Variants in KYAT3 observed in about 807,000 individuals in gnomAD.
KYAT3 encodes the protein kynurenine aminotransferase 3, also known as kynurenine--oxoglutarate transaminase 3.
Under a neutral mutation model 59.0 loss-of-function variants are expected in KYAT3, and 50 were observed. The ratio of observed to expected loss-of-function variants is 0.85; its 90% confidence interval spans 0.68 to 1.07. KYAT3 has a LOEUF of 1.07. KYAT3 is among the 50% of genes least tolerant of loss of function. KYAT3 has a pLI of 0.00. For synonymous variants in KYAT3, 148 were observed against 177.0 expected, an observed-to-expected ratio of 0.84 and a Z score of 1.30; for missense variants, 497 against 533.3, an observed-to-expected ratio of 0.93 and a Z score of 0.67.
chr1:88,939,245 A>G (rs1029115759), intron 13 of KYAT3, among the ~76,000 whole-genome samples: 1 of 152,096 alleles, frequency 6.6e-6, no homozygotes, highest in African/African-American at 2.4e-5. Flanking sequence ...CCTTAAATTT[A>G]TTTACTTTTA....
intron 2 of KYAT3, among the ~76,000 whole-genome samples, chr1:88,975,372 T>C (rs1332065458): frequency 5.3e-5 from 8 of 152,148 alleles, no homozygotes; most frequent in African/African-American, 1.9e-4. Context: ...AGGATGGTCT[T>C]GATCTCCTGA....
chr1:88,929,595 G>A, the KYAT3 span, among the ~76,000 whole-genome samples: 14 of 152,196 alleles, frequency 9.2e-5, no homozygotes, highest in Non-Finnish European at 1.9e-4. Context: ...CCTTTGGTAC[G>A]TGGTGATTTA....
chr1:88,946,166 A>G (rs932079239), intron 11 of KYAT3, among the ~76,000 whole-genome samples: 5 of 152,212 alleles, frequency 3.3e-5, no homozygotes, highest in Admixed American at 3.3e-4. Context: ...TCTTATCTAA[A>G]AAGCTAAGTT....
At chr1:88,931,509 A>AGTTAGAG (rs1241296348), downstream of KYAT3, among the ~76,000 whole-genome samples, 1 of 152,088 alleles carries the variant, frequency 6.6e-6, no homozygotes, top group Admixed American at 6.5e-5. Flanking sequence ...AGCAGGAAGC[A>AGTTAGAG]GTTAGAGTGG....
At chr1:88,927,482 T>C in the KYAT3 span, among the ~76,000 whole-genome samples, 1 of 152,070 alleles carries the variant, frequency 6.6e-6, no homozygotes, top group Non-Finnish European at 1.5e-5. Context: ...CAACTGGCAA[T>C]TATGTAAAAA....
intron 2 of KYAT3, among the ~76,000 whole-genome samples, chr1:88,975,267 G>T (rs1007184153): frequency 3.9e-5 from 6 of 152,202 alleles, no homozygotes; most frequent in African/African-American, 1.4e-4. Context: ...CCCACAGGAA[G>T]GAATAAATTC....
intron 1 of KYAT3, among the ~76,000 whole-genome samples, chr1:88,990,140 A>G (rs1382947207): frequency 6.6e-6 from 1 of 152,186 alleles, no homozygotes; most frequent in Non-Finnish European, 1.5e-5. Flanking sequence ...ATAATAAAGG[A>G]AATTACCCTC....
At chr1:88,984,203 G>GTTTTTTT in intron 2 of KYAT3, 2 of 98,322 alleles carry the variant, frequency 2.0e-5, no homozygotes, top group Non-Finnish European at 4.4e-5. Flanking sequence ...TTTTTTTGTT[G>GTTTTTTT]CTTTTTTTTT....
chr1:88,976,356 C>CAA (rs113267795), intron 2 of KYAT3, among the ~76,000 whole-genome samples: 31 of 137,464 alleles, frequency 2.3e-4, no homozygotes, highest in South Asian at 4.6e-4. Flanking sequence ...GACTCCATCT[C>CAA]AAAAAAAAAA....
intron 13 of KYAT3, among the ~76,000 whole-genome samples, chr1:88,940,041 C>T (rs1328809914): frequency 1.3e-5 from 2 of 151,970 alleles, no homozygotes; most frequent in African/African-American, 2.4e-5. Context: ...TATAGATTCA[C>T]AGTTGGTTCC....
At chr1:88,923,221 T>A in the KYAT3 span, 2 of 152,234 alleles carry the variant, frequency 1.3e-5, no homozygotes, top group African/African-American at 4.8e-5. Flanking sequence ...CACATTTTCA[T>A]TTTAGAAAGC....
At chr1:88,974,935 AG>A (rs1676714649) in intron 2 of KYAT3, among the ~76,000 whole-genome samples, 1 of 152,212 alleles carries the variant, frequency 6.6e-6, no homozygotes, top group Non-Finnish European at 1.5e-5. Flanking sequence ...GGGCCAAATA[AG>A]GGAATAAAGG....
chr1:88,961,879 C>G (rs1467466377), intron 6 of KYAT3, among the ~76,000 whole-genome samples, 180 bp downstream of exon 6: 2 of 152,168 alleles, frequency 1.3e-5, no homozygotes, highest in Non-Finnish European at 2.9e-5. Flanking sequence ...GATTTTGTGA[C>G]TCACCTTAGT....
At chr1:88,960,391 C>T (rs1676094842) in intron 8 of KYAT3, among the ~76,000 whole-genome samples, 1 of 151,914 alleles carries the variant, frequency 6.6e-6, no homozygotes, top group African/African-American at 2.4e-5. Flanking sequence ...CTAAAACAAA[C>T]AAAATCCCTC....
At chr1:88,992,522 C>G (rs967700522) in intron 1 of KYAT3, 63 bp downstream of exon 1, 3 of 152,578 alleles carry the variant, frequency 2.0e-5, no homozygotes, top group Non-Finnish European at 4.4e-5. Context: ...CCCCGTACGC[C>G]GGGACGGCCC....
At chr1:88,983,333 G>C (rs1201379634) in intron 2 of KYAT3, 2 of 1,614,142 alleles carry the variant, frequency 1.2e-6, no homozygotes, top group Non-Finnish European at 1.7e-6. Flanking sequence ...TGAAGGTGCA[G>C]ATCTCTTAGG....
chr1:88,991,111 T>A (rs374224965), intron 1 of KYAT3, among the ~76,000 whole-genome samples: 22 of 152,362 alleles, frequency 1.4e-4, no homozygotes, highest in Admixed American at 4.6e-4. Flanking sequence ...ACTGTCGATT[T>A]ATTATCAACG....
At chr1:88,951,111 A>G (rs1420813509) in intron 10 of KYAT3, among the ~76,000 whole-genome samples, 1 of 152,180 alleles carries the variant, frequency 6.6e-6, no homozygotes. Context: ...ATGTTACCTT[A>G]TCAGGGAGGC....
chr1:88,938,803 T>C (rs56228627), intron 13 of KYAT3, among the ~76,000 whole-genome samples: 4,808 of 152,318 alleles, frequency 0.032, 227 homozygotes, highest in African/African-American at 0.11. Context: ...GGCATTTAGG[T>C]TGATCTGAAT....
Sources: gnomAD v4.1 joint callset for allele counts (sites outside exome capture counted in the v4.1 genomes callset) on GRCh38, gnomAD v4.1.1 for gene constraint, MANE v1.5 for transcripts, NCBI Gene and HGNC (gene_info 2026-07-23, HGNC 2026-07-21) for gene names.